The following SH3PXD2A variants were observed in gnomAD, a reference collection of about 807,000 sequenced individuals.
The protein encoded by SH3PXD2A is SH3 and PX domains 2A.
In SH3PXD2A, 32 loss-of-function variants were observed where a neutral mutation model predicts 115.2. That is an observed-to-expected ratio of 0.28 (90% CI 0.21 to 0.37). The LOEUF (loss-of-function observed/expected upper bound fraction) is 0.37. Among genes scored for constraint, SH3PXD2A ranks in the 10% least tolerant of loss-of-function variants. SH3PXD2A has a pLI of 1.00. For synonymous variants in SH3PXD2A, 610 were observed against 629.1 expected (o/e 0.97, Z 0.45); for missense variants, 1,328 against 1,498.7 (o/e 0.89, Z 1.88).
chr10:103,713,319 C>G (rs1313580837), intron 5 of SH3PXD2A, among the ~76,000 whole-genome samples: 1 of 152,208 alleles, frequency 6.6e-6, no homozygotes, highest in East Asian at 1.9e-4. Flanking sequence ...CTGTTGCATG[C>G]TTGGACCACT....
intron 6 of SH3PXD2A, among the ~76,000 whole-genome samples, chr10:103,686,336 G>A (rs60899812): frequency 0.026 from 4,003 of 152,282 alleles, 170 homozygotes; most frequent in African/African-American, 0.09. Context: ...CCGAGGCTCC[G>A]TGGCCACCTG....
At chr10:103,605,409 A>G (rs1158104210) in intron 14 of SH3PXD2A, among the ~76,000 whole-genome samples, 2 of 152,222 alleles carry the variant, frequency 1.3e-5, no homozygotes, top group Non-Finnish European at 2.9e-5. Context: ...TGACACTCCC[A>G]GTGACATCCT....
intron 2 of SH3PXD2A, among the ~76,000 whole-genome samples, chr10:103,776,409 A>C (rs1458131870): frequency 6.7e-6 from 1 of 148,710 alleles, no homozygotes; most frequent in Non-Finnish European, 1.5e-5. Flanking sequence ...AAAAAAAAAA[A>C]AAAAGTGTGT....
rs115149308 is a variant in SH3PXD2A at position 103,602,380 on chromosome 10, C to T, written c.2838G>A (p.Thr946=). The T allele has an allele frequency of 1.5e-3, 2,384 of 1,613,746 alleles. 30 individuals carry two copies. In the African/African-American group the frequency reaches 0.029, roughly 20 times the overall value. Residue 946 remains threonine, a synonymous_variant, in exon 15 of 15, where the codon ACG becomes ACA. Coordinates refer to ENST00000369774, the MANE Select transcript of SH3PXD2A (RefSeq NM_001394015.1). ...LNTVNQSKKA[T]PPIPSKPPGG... is the part of the protein sequence containing the mutation. ...CGGGAGGTTTGGAGGGGATGGGGGG[C>T]GTGGCCTTCTTGCTCTGGTTGACGG... is the stretch of plus-strand genomic sequence containing the variant.
intron 2 of SH3PXD2A, among the ~76,000 whole-genome samples, chr10:103,773,431 TTTTC>T (rs201927716): frequency 0.096 from 14,326 of 148,818 alleles, 730 homozygotes; most frequent in Non-Finnish European, 0.11. Flanking sequence ...TTTTCTTCTC[TTTTC>T]TTTCTTTCTT....
chr10:103,644,117 A>C (rs1486992327), intron 8 of SH3PXD2A, among the ~76,000 whole-genome samples: 2 of 7,056 alleles, frequency 2.8e-4, no homozygotes, highest in Non-Finnish European at 5.2e-4. Flanking sequence ...TCCATCCCAA[A>C]AAAAAAAAAA....
At chr10:103,748,147 A>G (rs935171549) in intron 3 of SH3PXD2A, among the ~76,000 whole-genome samples, 1 of 152,178 alleles carries the variant, frequency 6.6e-6, no homozygotes, top group African/African-American at 2.4e-5. Flanking sequence ...CTTTATATTT[A>G]TTATGACAGT....
At chr10:103,609,946 T>C (rs2036399769) in intron 13 of SH3PXD2A, 1 of 152,208 alleles carries the variant, frequency 6.6e-6, no homozygotes, top group African/African-American at 2.4e-5. Flanking sequence ...ATCTGTAAAA[T>C]GGAACTAATA....
In SH3PXD2A at chr10:103,600,075, AG is replaced by A. The variant is rs1427724980; in HGVS notation, c.*1740del. The A allele has an allele frequency of 6.6e-6, 1 of 152,582 alleles. No homozygotes were observed. The highest frequency in any genetic ancestry group is 1.5e-5 in the Non-Finnish European group (1 of 68,046). 9.5% of individuals were successfully genotyped at this position (152,582 alleles called of 1,614,324 possible). ...ATGCTGCCCTGCCTGGGTGGGGAGC[AG>A]GGTGAGGGAGGGCCTTTCCTCCTCT... is the stretch of plus-strand genomic sequence containing the variant. On this transcript the variant is annotated 3_prime_UTR_variant, in exon 15 of 15. Transcript: ENST00000369774.
intron 1 of SH3PXD2A, among the ~76,000 whole-genome samples, chr10:103,811,760 G>A (rs140422858): frequency 6.4e-4 from 97 of 152,248 alleles, no homozygotes; most frequent in African/African-American, 1.9e-3. Context: ...GGATCCTTGC[G>A]GGGATCAGCA....
intron 8 of SH3PXD2A, among the ~76,000 whole-genome samples, chr10:103,644,748 G>A (rs1364530706): frequency 6.6e-6 from 1 of 152,194 alleles, no homozygotes; most frequent in Non-Finnish European, 1.5e-5. Context: ...GAAAAGGATA[G>A]GAGGGTGAAT....
At chr10:103,779,564 A>C (rs1302900449) in intron 2 of SH3PXD2A, among the ~76,000 whole-genome samples, 4 of 152,154 alleles carry the variant, frequency 2.6e-5, no homozygotes, top group African/African-American at 9.7e-5. Context: ...CCTCCAGGCA[A>C]TAGGGAGCCC....
At chr10:103,691,353 G>A (rs1192852489) in intron 6 of SH3PXD2A, among the ~76,000 whole-genome samples, 1 of 152,166 alleles carries the variant, frequency 6.6e-6, no homozygotes, top group Non-Finnish European at 1.5e-5. Context: ...AGAAAATGAG[G>A]AAACTGAGGC....
At chr10:103,658,854 G>A (rs944941034) in intron 8 of SH3PXD2A, among the ~76,000 whole-genome samples, 162 of 152,310 alleles carry the variant, frequency 1.1e-3, no homozygotes, top group African/African-American at 3.5e-3. Flanking sequence ...CTTCCAACCA[G>A]CCACAAGGTC....
At chr10:103,812,151 C>A (rs570973139) in intron 1 of SH3PXD2A, among the ~76,000 whole-genome samples, 7 of 152,196 alleles carry the variant, frequency 4.6e-5, no homozygotes, top group Non-Finnish European at 8.8e-5. Context: ...GACCTTTGTA[C>A]CTTCCTCCTT....
At chr10:103,785,243 G>A (rs897757974) in intron 2 of SH3PXD2A, among the ~76,000 whole-genome samples, 2 of 152,328 alleles carry the variant, frequency 1.3e-5, no homozygotes, top group Admixed American at 6.5e-5. Context: ...CCACTGCTCA[G>A]CTATTTCTAG....
chr10:103,740,668 G>A (rs1383163862), intron 3 of SH3PXD2A, among the ~76,000 whole-genome samples: 4 of 152,236 alleles, frequency 2.6e-5, no homozygotes, highest in African/African-American at 7.2e-5. Context: ...CTTCTGGTCT[G>A]AGCAGGCTGA....
intron 2 of SH3PXD2A, among the ~76,000 whole-genome samples, chr10:103,788,044 A>G (rs1273231947): frequency 1.3e-5 from 2 of 152,170 alleles, no homozygotes; most frequent in Non-Finnish European, 2.9e-5. Flanking sequence ...TGGCTGGGAA[A>G]AATGTTCCCC....
At chr10:103,737,045 T>C (rs2038388797) in intron 3 of SH3PXD2A, among the ~76,000 whole-genome samples, 2 of 152,182 alleles carry the variant, frequency 1.3e-5, no homozygotes, top group Non-Finnish European at 2.9e-5. Context: ...CTGGCACCTC[T>C]AGTGGCCTGG....
Sources: gnomAD v4.1 joint callset for allele counts (sites outside exome capture counted in the v4.1 genomes callset) on GRCh38, gnomAD v4.1.1 for gene constraint, MANE v1.5 for transcripts, NCBI Gene and HGNC (gene_info 2026-07-23, HGNC 2026-07-21) for gene names.